Variants in GPR158 observed in about 807,000 individuals in gnomAD.
GPR158 encodes metabotropic glycine receptor.
Under a neutral mutation model 78.2 loss-of-function variants are expected in GPR158, and 30 were observed. The observed-to-expected ratio is 0.38, with a 90% CI of 0.29 to 0.52. The LOEUF (loss-of-function observed/expected upper bound fraction) is 0.52. Ranked by LOEUF, GPR158 falls within the 20% of genes least tolerant of loss-of-function variation. The pLI is 0.83. For missense variants in GPR158, 1,463 were observed against 1,523.5 expected, an observed-to-expected ratio of 0.96 and a Z score of 0.66; for synonymous variants, 581 against 591.1, an observed-to-expected ratio of 0.98 and a Z score of 0.25.
At chr10:25,241,311 T>TTTCTTTTCTTTTCTCTTCAC (rs1554787218) in intron 2 of GPR158, among the ~76,000 whole-genome samples, 1 of 104,596 alleles carries the variant, frequency 9.6e-6, no homozygotes, top group African/African-American at 4.4e-5. Flanking sequence ...TTTCTTTTCT[T>TTTCTTTTCTTTTCTCTTCAC]TTCTCTTCTC....
intron 2 of GPR158, among the ~76,000 whole-genome samples, chr10:25,376,398 T>C (rs1788614481): frequency 6.6e-6 from 1 of 151,672 alleles, no homozygotes; most frequent in African/African-American, 2.4e-5. Context: ...TGGCTTTGTA[T>C]ATACAGTTTT....
chr10:25,340,380 G>A (rs1013987800), intron 2 of GPR158, among the ~76,000 whole-genome samples: 1 of 152,060 alleles, frequency 6.6e-6, no homozygotes, highest in Non-Finnish European at 1.5e-5. Flanking sequence ...TGTATTTTGG[G>A]AGGATACTCA....
chr10:25,253,100 CT>C (rs1853835201), intron 2 of GPR158, among the ~76,000 whole-genome samples: 1 of 152,198 alleles, frequency 6.6e-6, no homozygotes, highest in Non-Finnish European at 1.5e-5. Flanking sequence ...TCACCCCTTT[CT>C]TTGACTCGGA....
intron 5 of GPR158, among the ~76,000 whole-genome samples, chr10:25,544,783 C>A (rs779585112): frequency 6.6e-6 from 1 of 152,048 alleles, no homozygotes; most frequent in African/African-American, 2.4e-5. Flanking sequence ...TAGGTATACA[C>A]GTGCCATGGT....
intron 4 of GPR158, among the ~76,000 whole-genome samples, chr10:25,439,352 G>A (rs1051277766): frequency 6.6e-6 from 1 of 152,108 alleles, no homozygotes; most frequent in African/African-American, 2.4e-5. Context: ...ACAGTGTGGG[G>A]GAAGCCGCCC....
intron 5 of GPR158, among the ~76,000 whole-genome samples, chr10:25,473,775 C>T (rs1835543599): frequency 6.6e-6 from 1 of 151,888 alleles, no homozygotes; most frequent in Non-Finnish European, 1.5e-5. Context: ...ATCTCCCCAG[C>T]CTCATCTTAT....
chr10:25,333,990 T>C (rs1374187496), intron 2 of GPR158, among the ~76,000 whole-genome samples: 1 of 152,148 alleles, frequency 6.6e-6, no homozygotes, highest in Non-Finnish European at 1.5e-5. Flanking sequence ...AAACCAGATA[T>C]TGCTTTATTT....
intron 5 of GPR158, among the ~76,000 whole-genome samples, chr10:25,497,713 A>T (rs887309526): frequency 2.6e-5 from 4 of 152,216 alleles, no homozygotes; most frequent in African/African-American, 7.2e-5. Context: ...TGAAGAAGGG[A>T]TAAATAATCT....
intron 2 of GPR158, among the ~76,000 whole-genome samples, chr10:25,241,333 TC>T (rs1853620130): frequency 1.4e-5 from 2 of 139,708 alleles, no homozygotes; most frequent in African/African-American, 5.7e-5. Flanking sequence ...TCTCTTCTCT[TC>T]TCTTTTCTCT....
At chr10:25,459,643 GC>G (rs1160955107) in intron 4 of GPR158, among the ~76,000 whole-genome samples, 1 of 152,132 alleles carries the variant, frequency 6.6e-6, no homozygotes, top group Non-Finnish European at 1.5e-5. Flanking sequence ...TAAAAATGCA[GC>G]CTTGAGCATT....
At chr10:25,449,074 C>T (rs1452048781) in intron 4 of GPR158, among the ~76,000 whole-genome samples, 1 of 152,140 alleles carries the variant, frequency 6.6e-6, no homozygotes, top group African/African-American at 2.4e-5. Context: ...CATATTATTA[C>T]ACCAGATTGT....
chr10:25,508,191 T>C (rs1836039453), intron 5 of GPR158, among the ~76,000 whole-genome samples: 2 of 152,118 alleles, frequency 1.3e-5, no homozygotes, highest in Admixed American at 1.3e-4. Context: ...CAAGTGACCA[T>C]GAGATCTGTG....
chr10:25,373,469 G>A (rs36011897), intron 2 of GPR158, among the ~76,000 whole-genome samples: 23,854 of 151,772 alleles, frequency 0.16, 2,162 homozygotes, highest in African/African-American at 0.24. Context: ...TAAATCTACC[G>A]TCTGCTTTAC....
chr10:25,311,256 C>T (rs1362225976), intron 2 of GPR158, among the ~76,000 whole-genome samples: 1 of 151,710 alleles, frequency 6.6e-6, no homozygotes. Context: ...TATAAATTGA[C>T]TCAGGGAAAA....
chr10:25,348,677 G>A lies in GPR158; in HGVS notation c.1009-47234G>A, dbSNP rs7915893. The stretch of plus-strand genomic sequence containing the variant: ...TGTTAATGAAACACACAAGTAATGA[G>A]TTTGTAGTATCCTCCAAAAGATTCC... On this transcript the variant is annotated intron_variant, in intron 2 of 10. Coordinates refer to ENST00000376351, the MANE Select transcript of GPR158 (RefSeq NM_020752.3). 2.6e-5 allele frequency among the ~76,000 whole-genome samples: 4 copies of A among 152,038 alleles called. 1 individual carries two copies. Among genetic ancestry groups the A allele is most frequent in the African/African-American group, 9.6e-5 (4 of 41,492 alleles).
chr10:25,555,199 A>G (rs1836772332), intron 6 of GPR158, among the ~76,000 whole-genome samples: 1 of 152,116 alleles, frequency 6.6e-6, no homozygotes. Flanking sequence ...TGACTTGGCG[A>G]TGTGGGCTCT....
intron 2 of GPR158, among the ~76,000 whole-genome samples, chr10:25,279,483 G>A (rs1204039311): frequency 6.6e-6 from 1 of 151,974 alleles, no homozygotes. Flanking sequence ...AAAGAATCAA[G>A]CTACCTTTTA....
chr10:25,516,170 T>G (rs1432059683), intron 5 of GPR158, among the ~76,000 whole-genome samples: 3,720 of 151,998 alleles, frequency 0.024, 165 homozygotes, highest in African/African-American at 0.084. Context: ...AATGTCTTCT[T>G]TTGAGAAGTG....
rs75960384 is a variant in GPR158 at position 25,359,715 on chromosome 10, A to T, written c.1009-36196A>T. Among the ~76,000 whole-genome samples, 272 of 152,310 alleles carry T rather than the reference A, an allele frequency of 1.8e-3. 2 individuals carry two copies. In the East Asian group the frequency reaches 0.028, roughly 15 times the overall value. On this transcript the variant is annotated intron_variant, in intron 2 of 10. Transcript: ENST00000376351. Reference sequence around the variant, plus strand: ...GCTATTGTGAATAGTGCTGCAATAAACATATGTGTACATGTGTCTTTATAG... The same window carrying T: ...GCTATTGTGAATAGTGCTGCAATAATCATATGTGTACATGTGTCTTTATAG...
Sources: allele counts gnomAD v4.1 joint callset (sites outside exome capture counted in the v4.1 genomes callset), GRCh38; gene constraint gnomAD v4.1.1; transcripts MANE v1.5; gene names NCBI Gene and HGNC (gene_info 2026-07-23, HGNC 2026-07-21).